The following TLE4 variants were observed in gnomAD, a reference collection of about 807,000 sequenced individuals.
The protein encoded by TLE4 is TLE family member 4, transcriptional corepressor.
A neutral mutation model predicts 92.8 loss-of-function variants in TLE4; 8 were observed. The ratio of observed to expected loss-of-function variants is 0.09; its 90% CI spans 0.05 to 0.16. The LOEUF (loss-of-function observed/expected upper bound fraction) is 0.16. Among genes scored for constraint, TLE4 ranks in the 10% least tolerant of loss-of-function variants. The pLI, the probability that TLE4 is intolerant of heterozygous loss-of-function variation, is 1.00. For missense variants in TLE4, 675 were observed against 997.6 expected, an observed-to-expected ratio of 0.68 and a Z score of 4.36; for synonymous variants, 371 against 374.1, an observed-to-expected ratio of 0.99 and a Z score of 0.10.
intron 11 of TLE4, chr9:79,707,367 AAT>A: frequency 1.5e-6 from 1 of 683,088 alleles, no homozygotes; most frequent in South Asian, 1.9e-5. Context: ...ACAAATCACA[AAT>A]GCAAAAATGA....
intron 5 of TLE4, among the ~76,000 whole-genome samples, chr9:79,618,722 AGCCCT>A (rs2050236223): frequency 6.6e-6 from 1 of 152,084 alleles, no homozygotes; most frequent in African/African-American, 2.4e-5. Flanking sequence ...CTGATGGAGG[AGCCCT>A]GCAGGCTAGT....
chr9:79,667,355 C>T (rs941802534), intron 8 of TLE4, among the ~76,000 whole-genome samples: 1 of 152,152 alleles, frequency 6.6e-6, no homozygotes, highest in African/African-American at 2.4e-5. Flanking sequence ...CGCCAGGCTG[C>T]TTGGTTTGTA....
chr9:79,704,614 A>T, intron 8 of TLE4, 169 bp from the exon 9 acceptor site: 3 of 782,136 alleles, frequency 3.8e-6, no homozygotes, highest in Non-Finnish European at 5.8e-6. Context: ...TTCCCTTTAT[A>T]TCCCTGTTTT....
At chr9:79,656,884 T>G (rs761423445) in intron 8 of TLE4, among the ~76,000 whole-genome samples, 4 of 152,028 alleles carry the variant, frequency 2.6e-5, no homozygotes, top group Admixed American at 6.6e-5. Flanking sequence ...ATGTTGGGCC[T>G]TTTTTTTCCT....
At chr9:79,679,282 T>C (rs1451041188) in intron 8 of TLE4, among the ~76,000 whole-genome samples, 1 of 152,126 alleles carries the variant, frequency 6.6e-6, no homozygotes, top group Non-Finnish European at 1.5e-5. Context: ...CTCCAACACC[T>C]GTTGTTTCCT....
chr9:79,627,228 C>T, intron 5 of TLE4, 146 bp from the exon 6 acceptor site: 1 of 749,686 alleles, frequency 1.3e-6, no homozygotes, highest in Non-Finnish European at 2.3e-6. Flanking sequence ...TCTAGTCATC[C>T]ATCACCTCAG....
chr9:79,579,028 G>A (rs2038859479), intron 4 of TLE4, among the ~76,000 whole-genome samples: 1 of 151,876 alleles, frequency 6.6e-6, no homozygotes, highest in Non-Finnish European at 1.5e-5. Flanking sequence ...TAAAAGTGAA[G>A]ATGACAAATA....
chr9:79,703,935 T>C (rs554719234), intron 8 of TLE4, among the ~76,000 whole-genome samples: 14 of 150,516 alleles, frequency 9.3e-5, no homozygotes, highest in African/African-American at 2.9e-4. Flanking sequence ...CTTTCCCCCC[T>C]TTTTTTTTCA....
intron 8 of TLE4, among the ~76,000 whole-genome samples, chr9:79,686,273 A>G (rs781555056): frequency 2.6e-5 from 4 of 152,216 alleles, no homozygotes; most frequent in Non-Finnish European, 4.4e-5. Flanking sequence ...TTTATATATC[A>G]GTCATATTAT....
intron 4 of TLE4, among the ~76,000 whole-genome samples, chr9:79,596,195 A>G (rs1564244648): frequency 6.6e-6 from 1 of 152,042 alleles, no homozygotes; most frequent in Non-Finnish European, 1.5e-5. Context: ...AGTCACAAAG[A>G]ATTTTTATTC....
intron 3 of TLE4, 85 bp downstream of exon 3, chr9:79,575,021 A>T: frequency 8.8e-7 from 1 of 1,142,616 alleles, no homozygotes; most frequent in East Asian, 2.4e-5. Flanking sequence ...TGGGGGCTGC[A>T]AGATAGATCA....
chr9:79,718,415 A>G, intron 14 of TLE4, among the ~76,000 whole-genome samples: 1 of 152,150 alleles, frequency 6.6e-6, no homozygotes, highest in South Asian at 2.1e-4. Context: ...TATCTCATTT[A>G]ATTCTGTGAG....
intron 4 of TLE4, among the ~76,000 whole-genome samples, chr9:79,587,934 A>G (rs2041557270): frequency 6.6e-6 from 1 of 152,178 alleles, no homozygotes; most frequent in Admixed American, 6.5e-5. Flanking sequence ...TGAGGAAGGG[A>G]TCTGATTATC....
At chr9:79,652,487 G>A in intron 6 of TLE4, 106 bp from the exon 7 acceptor site, 6 of 1,280,032 alleles carry the variant, frequency 4.7e-6, no homozygotes, top group East Asian at 2.3e-5. Flanking sequence ...GTGCCCAGCC[G>A]GTGTTGGCTT....
At chr9:79,724,302 CAGGTTA>C (rs1432693302) in intron 19 of TLE4, among the ~76,000 whole-genome samples, 1 of 151,926 alleles carries the variant, frequency 6.6e-6, no homozygotes, top group East Asian at 1.9e-4. Flanking sequence ...GAGGTGCAGA[CAGGTTA>C]AGTGACCTGT....
intron 8 of TLE4, among the ~76,000 whole-genome samples, chr9:79,680,661 A>G (rs947047569): frequency 1.3e-4 from 20 of 152,140 alleles, no homozygotes; most frequent in East Asian, 1.9e-4. Flanking sequence ...TTCCAACACT[A>G]TGTTGACTAG....
At chr9:79,582,002 A>G (rs962410017) in intron 4 of TLE4, among the ~76,000 whole-genome samples, 8 of 152,294 alleles carry the variant, frequency 5.3e-5, no homozygotes, top group African/African-American at 1.4e-4. Context: ...CTTCCTCCCT[A>G]GGCAACCTAT....
intron 8 of TLE4, among the ~76,000 whole-genome samples, chr9:79,681,858 G>A (rs1209449294): frequency 7.0e-6 from 1 of 143,438 alleles, no homozygotes; most frequent in African/African-American, 2.7e-5. Context: ...GTGTGTGTGT[G>A]TGTGTATGTG....
At chr9:79,683,237 A>T (rs1016144175) in intron 8 of TLE4, among the ~76,000 whole-genome samples, 8 of 152,070 alleles carry the variant, frequency 5.3e-5, no homozygotes, top group African/African-American at 1.9e-4. Flanking sequence ...CTCCATTCCT[A>T]TTCTCCTTTG....
Sources: gnomAD v4.1 joint callset for allele counts (sites outside exome capture counted in the v4.1 genomes callset) on GRCh38, gnomAD v4.1.1 for gene constraint, MANE v1.5 for transcripts, NCBI Gene and HGNC (gene_info 2026-07-23, HGNC 2026-07-21) for gene names.